The following TNIK variants were observed in gnomAD, a reference collection of about 807,000 sequenced individuals.
The protein encoded by TNIK is TRAF2 and NCK-interacting protein kinase.
Under a neutral mutation model 191.3 loss-of-function variants are expected in TNIK, and 49 were observed. That is an observed-to-expected ratio of 0.26 (90% CI 0.20 to 0.32). The LOEUF (loss-of-function observed/expected upper bound fraction) is 0.32, where lower values mean the gene tolerates loss of function less well. Ranked by LOEUF, TNIK falls within the 10% of genes least tolerant of loss-of-function variation. TNIK has a pLI of 1.00. For synonymous variants in TNIK, 594 were observed against 600.9 expected (o/e 0.99, Z 0.17); for missense variants, 1,155 against 1,702.3 (o/e 0.68, Z 5.66).
chr3:171,074,452 C>T (rs749066682), intron 28 of TNIK, among the ~76,000 whole-genome samples: 1 of 151,948 alleles, frequency 6.6e-6, no homozygotes, highest in Admixed American at 6.6e-5. Context: ...CCAAGCCTCA[C>T]CATTATGCAA....
At chr3:171,408,215 G>GA (rs530215571) in intron 1 of TNIK, among the ~76,000 whole-genome samples, 1 of 151,842 alleles carries the variant, frequency 6.6e-6, no homozygotes, top group African/African-American at 2.4e-5. Flanking sequence ...TAAATGAAAA[G>GA]AAAAAAAGTC....
chr3:171,402,972 T>C (rs756620408), intron 1 of TNIK, among the ~76,000 whole-genome samples: 1 of 152,208 alleles, frequency 6.6e-6, no homozygotes, highest in African/African-American at 2.4e-5. Context: ...TGCTCAGATA[T>C]GCACTGTCTA....
At chr3:171,168,742 CCTT>C in intron 9 of TNIK, among the ~76,000 whole-genome samples, 1 of 152,340 alleles carries the variant, frequency 6.6e-6, no homozygotes, top group African/African-American at 2.4e-5. Context: ...CTGTGCACCT[CCTT>C]GTTAAGTGCT....
chr3:171,277,374 A>G (rs2109229078), intron 2 of TNIK, among the ~76,000 whole-genome samples: 1 of 152,332 alleles, frequency 6.6e-6, no homozygotes. Flanking sequence ...AGCCTATTTC[A>G]TTGAGATTTG....
chr3:171,298,945 C>T (rs971207459), intron 2 of TNIK, among the ~76,000 whole-genome samples: 16 of 152,134 alleles, frequency 1.1e-4, no homozygotes, highest in Admixed American at 9.2e-4. Context: ...CATCATGGCA[C>T]CATGGTGACC....
chr3:171,155,240 A>G (rs2108701050), intron 12 of TNIK, among the ~76,000 whole-genome samples: 1 of 152,362 alleles, frequency 6.6e-6, no homozygotes, highest in East Asian at 1.9e-4. Flanking sequence ...GTGGTCACCA[A>G]AGGCCAGGGA....
At chr3:171,183,857 G>A (rs1199744261) in intron 7 of TNIK, among the ~76,000 whole-genome samples, 1 of 146,716 alleles carries the variant, frequency 6.8e-6, no homozygotes, top group Non-Finnish European at 1.5e-5. Flanking sequence ...GGAGGCAGAG[G>A]TTGCAGTGAG....
intron 2 of TNIK, among the ~76,000 whole-genome samples, chr3:171,360,655 A>G (rs939696572): frequency 2.0e-5 from 3 of 152,224 alleles, no homozygotes; most frequent in African/African-American, 7.2e-5. Flanking sequence ...ACTTCACCTC[A>G]GGTTATTGAC....
chr3:171,374,413 T>C (rs1321509146), intron 1 of TNIK, among the ~76,000 whole-genome samples: 1 of 152,208 alleles, frequency 6.6e-6, no homozygotes, highest in Non-Finnish European at 1.5e-5. Context: ...CTAATAATCA[T>C]GTTACAAAGA....
intron 1 of TNIK, among the ~76,000 whole-genome samples, chr3:171,430,915 G>A (rs1725293434): frequency 6.6e-6 from 1 of 152,086 alleles, no homozygotes; most frequent in African/African-American, 2.4e-5. Context: ...TTCCTGCCAA[G>A]AGAAGAGTAG....
intron 2 of TNIK, among the ~76,000 whole-genome samples, chr3:171,264,411 A>G (rs953766712): frequency 4.6e-5 from 7 of 151,948 alleles, no homozygotes; most frequent in Admixed American, 3.3e-4. Context: ...CTGGAGTGCA[A>G]TGGTGCTATC....
At chr3:171,162,547 T>C (rs1734139184) in intron 10 of TNIK, among the ~76,000 whole-genome samples, 1 of 152,204 alleles carries the variant, frequency 6.6e-6, no homozygotes, top group African/African-American at 2.4e-5. Context: ...ATGAATAAGA[T>C]TGAGGCTTGC....
intron 7 of TNIK, among the ~76,000 whole-genome samples, chr3:171,183,586 AAT>A (rs1329794059): frequency 6.6e-6 from 1 of 152,196 alleles, no homozygotes; most frequent in African/African-American, 2.4e-5. Flanking sequence ...GTGTAACACA[AAT>A]ATGAGGTTGA....
At chr3:171,267,859 C>A (rs1419188720) in intron 2 of TNIK, among the ~76,000 whole-genome samples, 1 of 152,196 alleles carries the variant, frequency 6.6e-6, no homozygotes, top group Admixed American at 6.5e-5. Flanking sequence ...TGAGCTCCCA[C>A]CATTTATGCC....
intron 7 of TNIK, among the ~76,000 whole-genome samples, chr3:171,178,652 A>C (rs1736262529): frequency 6.6e-6 from 1 of 152,188 alleles, no homozygotes; most frequent in Non-Finnish European, 1.5e-5. Flanking sequence ...GTTAGAAAAC[A>C]CCAAGAAGAG....
intron 1 of TNIK, among the ~76,000 whole-genome samples, chr3:171,389,919 T>A (rs1719244412): frequency 6.6e-6 from 1 of 152,108 alleles, no homozygotes; most frequent in Non-Finnish European, 1.5e-5. Context: ...ACCCATTACA[T>A]CTATTTTGAG....
intron 2 of TNIK, among the ~76,000 whole-genome samples, chr3:171,256,228 C>G (rs1464979068): frequency 1.3e-5 from 2 of 151,948 alleles, no homozygotes; most frequent in African/African-American, 4.8e-5. Flanking sequence ...TGCATGGGAA[C>G]AGAAAGCAAA....
chr3:171,075,713 G>A (rs560375338), intron 28 of TNIK, among the ~76,000 whole-genome samples: 3 of 143,906 alleles, frequency 2.1e-5, no homozygotes, highest in Non-Finnish European at 3.1e-5. Context: ...GACATTAAAC[G>A]TTTTTTTTTT....
At chr3:171,451,924 C>T (rs978030962) in intron 1 of TNIK, among the ~76,000 whole-genome samples, 3 of 152,220 alleles carry the variant, frequency 2.0e-5, no homozygotes, top group Non-Finnish European at 2.9e-5. Flanking sequence ...ATTTACCCTG[C>T]ACCCAAACTT....
Sources: allele counts gnomAD v4.1 joint callset (sites outside exome capture counted in the v4.1 genomes callset), GRCh38; gene constraint gnomAD v4.1.1; transcripts MANE v1.5; gene names NCBI Gene and HGNC (gene_info 2026-07-23, HGNC 2026-07-21).